MAGI2: variants seen among roughly 807,000 people sequenced by gnomAD.
MAGI2 encodes the protein membrane-associated guanylate kinase, WW and PDZ domain-containing protein 2.
Under a neutral mutation model 133.3 loss-of-function variants are expected in MAGI2, and 35 were observed. The ratio of observed to expected loss-of-function variants is 0.26; its 90% CI spans 0.20 to 0.35. MAGI2 has a LOEUF of 0.35. MAGI2 is among the 10% of genes least tolerant of loss of function. The probability of loss-of-function intolerance (pLI) is 1.00; values close to 1 mark genes in which losing one functional copy is unlikely to be tolerated. For missense variants in MAGI2, 1,636 were observed against 1,863.4 expected (o/e 0.88, Z 2.25); for synonymous variants, 729 against 710.6 (o/e 1.03, Z -0.41).
intron 3 of MAGI2, among the ~76,000 whole-genome samples, chr7:78,591,549 T>A (rs1804006729): frequency 1.3e-5 from 2 of 152,304 alleles, no homozygotes; most frequent in East Asian, 1.9e-4. Context: ...GGCGGAGCCC[T>A]AACATCCACG....
At chr7:78,537,062 A>G (rs1338931715) in intron 3 of MAGI2, among the ~76,000 whole-genome samples, 3 of 151,942 alleles carry the variant, frequency 2.0e-5, no homozygotes, top group Non-Finnish European at 4.4e-5. Flanking sequence ...TACAATGTTT[A>G]GTTTTCCATT....
At chr7:78,548,585 C>T (rs535751750) in intron 3 of MAGI2, among the ~76,000 whole-genome samples, 5 of 152,276 alleles carry the variant, frequency 3.3e-5, no homozygotes, top group Admixed American at 6.5e-5. Flanking sequence ...ATCCCAGCTA[C>T]TTGGGAGGCT....
At chr7:78,867,396 T>G (rs1415700202) in intron 2 of MAGI2, among the ~76,000 whole-genome samples, 1 of 150,962 alleles carries the variant, frequency 6.6e-6, no homozygotes, top group Non-Finnish European at 1.5e-5. Context: ...TGTAGGGACA[T>G]GGATGAAATT....
chr7:78,596,309 A>G (rs1024642375), intron 3 of MAGI2, among the ~76,000 whole-genome samples: 1 of 152,090 alleles, frequency 6.6e-6, no homozygotes, highest in Admixed American at 6.5e-5. Flanking sequence ...GCAAGAATGG[A>G]GCCCTGAAGA....
chr7:78,682,434 T>C (rs1215695627), intron 2 of MAGI2, among the ~76,000 whole-genome samples: 1 of 152,156 alleles, frequency 6.6e-6, no homozygotes, highest in Non-Finnish European at 1.5e-5. Flanking sequence ...CCATGTGTTC[T>C]CATTGTTCAA....
chr7:78,208,593 C>T (rs1333022343), intron 10 of MAGI2, among the ~76,000 whole-genome samples: 3 of 151,612 alleles, frequency 2.0e-5, no homozygotes, highest in Admixed American at 6.6e-5. Flanking sequence ...GTTTATGGCA[C>T]ACTGTAAAAA....
chr7:78,443,243 T>C (rs371909897), intron 6 of MAGI2, among the ~76,000 whole-genome samples: 4 of 152,022 alleles, frequency 2.6e-5, no homozygotes, highest in African/African-American at 7.3e-5. Context: ...GGGCTTATTA[T>C]GACATAAAGA....
chr7:78,207,355 A>G (rs1320580153), intron 10 of MAGI2, among the ~76,000 whole-genome samples: 1 of 152,224 alleles, frequency 6.6e-6, no homozygotes, highest in Non-Finnish European at 1.5e-5. Flanking sequence ...AAAGTTTCCC[A>G]AAGAGGAAAA....
At chr7:78,733,769 G>A (rs981771458) in intron 2 of MAGI2, among the ~76,000 whole-genome samples, 11 of 152,036 alleles carry the variant, frequency 7.2e-5, no homozygotes, top group African/African-American at 2.7e-4. Context: ...ATGCCTTTAA[G>A]GAATAAACTC....
At chr7:78,486,930 G>A in intron 6 of MAGI2, 1 of 523,078 alleles carries the variant, frequency 1.9e-6, no homozygotes, top group Non-Finnish European at 3.9e-6. Context: ...ATTTGAACTA[G>A]CTCATTTCAT....
At chr7:78,475,156 G>GTGTA (rs1385702759) in intron 6 of MAGI2, among the ~76,000 whole-genome samples, 1 of 151,968 alleles carries the variant, frequency 6.6e-6, no homozygotes, top group East Asian at 1.9e-4. Flanking sequence ...TGAATCTTGT[G>GTGTA]TGTATGCTTT....
intron 1 of MAGI2, among the ~76,000 whole-genome samples, chr7:79,434,485 A>G (rs1848004093): frequency 6.6e-6 from 1 of 152,238 alleles, no homozygotes; most frequent in African/African-American, 2.4e-5. Context: ...ATTTCAGAAC[A>G]AAGTAGGGCA....
At chr7:78,051,884 CTT>C (rs59919639) in intron 21 of MAGI2, among the ~76,000 whole-genome samples, 54 of 125,700 alleles carry the variant, frequency 4.3e-4, no homozygotes, top group Admixed American at 4.8e-4. Flanking sequence ...CATACCCAGC[CTT>C]TTTTTTTTTT....
chr7:78,069,068 G>T (rs940885225), intron 21 of MAGI2, among the ~76,000 whole-genome samples: 1 of 152,152 alleles, frequency 6.6e-6, no homozygotes, highest in Admixed American at 6.5e-5. Flanking sequence ...TGTCAAAAAG[G>T]CCTGATATGG....
At chr7:78,143,001 A>G (rs1017252674) in intron 16 of MAGI2, among the ~76,000 whole-genome samples, 13 of 152,184 alleles carry the variant, frequency 8.5e-5, no homozygotes, top group Non-Finnish European at 1.5e-4. Flanking sequence ...ACTAAGCCAA[A>G]TAAATATTAA....
rs767332496 is a variant in MAGI2, at chr7:79,399,095, C to CTTTTTTTTTTTTTTTTTTTTTTTTTTT, written c.301+53924_301+53925insAAAAAAAAAAAAAAAAAAAAAAAAAAA. Among the ~76,000 whole-genome samples the CTTTTTTTTTTTTTTTTTTTTTTTTTTT allele has an allele frequency of 1.6e-3, 166 of 106,214 alleles. 13 individuals carry two copies. Among genetic ancestry groups the CTTTTTTTTTTTTTTTTTTTTTTTTTTT allele is most frequent in the South Asian group, 3.9e-3 (11 of 2,802 alleles). 69.7% of individuals were successfully genotyped at this position (106,214 alleles called of 152,430 possible). ...GTATTATTTCTTTTTTTTTTCTTTT[C>CTTTTTTTTTTTTTTTTTTTTTTTTTTT]TTTTTTTTTTTTTTTGGGAGATGGA... On this transcript the variant is annotated intron_variant, in intron 1 of 21. Coordinates refer to ENST00000354212, the MANE Select transcript of MAGI2 (RefSeq NM_012301.4).
intron 1 of MAGI2, among the ~76,000 whole-genome samples, chr7:79,092,989 C>T (rs935602385): frequency 9.9e-5 from 15 of 152,108 alleles, no homozygotes; most frequent in Middle Eastern, 3.4e-3. Flanking sequence ...TTTATGAATA[C>T]AGAAAACTCA....
At chr7:78,563,789 G>GA (rs1321335042) in intron 3 of MAGI2, among the ~76,000 whole-genome samples, 2 of 152,152 alleles carry the variant, frequency 1.3e-5, no homozygotes, top group Non-Finnish European at 2.9e-5. Flanking sequence ...AGAGTTACTG[G>GA]AAAGAGAGTA....
At chr7:78,527,779 C>T (rs1339612242) in intron 3 of MAGI2, among the ~76,000 whole-genome samples, 1 of 152,064 alleles carries the variant, frequency 6.6e-6, no homozygotes, top group African/African-American at 2.4e-5. Flanking sequence ...GTTTATTTGG[C>T]TTTTTAAGTT....
Sources: gnomAD v4.1 joint callset for allele counts (sites outside exome capture counted in the v4.1 genomes callset) on GRCh38, gnomAD v4.1.1 for gene constraint, MANE v1.5 for transcripts, NCBI Gene and HGNC (gene_info 2026-07-23, HGNC 2026-07-21) for gene names.